ICA1: variants seen among roughly 807,000 people sequenced by gnomAD.
The protein encoded by ICA1 is 69 kDa islet cell autoantigen.
Under a neutral mutation model 71.0 loss-of-function variants are expected in ICA1, and 40 were observed. That is an observed-to-expected ratio of 0.56 (90% confidence interval 0.44 to 0.73). The LOEUF (loss-of-function observed/expected upper bound fraction) is 0.73, where lower values mean the gene tolerates loss of function less well. ICA1 is among the 30% of genes least tolerant of loss of function. The pLI is 0.00. For synonymous variants in ICA1, 207 were observed against 209.5 expected (o/e 0.99, Z 0.10); for missense variants, 578 against 576.5 (o/e 1.00, Z -0.03).
intron 6 of ICA1, among the ~76,000 whole-genome samples, chr7:8,202,918 G>A (rs1790231582): frequency 6.6e-6 from 1 of 152,154 alleles, no homozygotes; most frequent in African/African-American, 2.4e-5. Flanking sequence ...GTGAACCTGT[G>A]GGCAATTTTA....
intron 6 of ICA1, among the ~76,000 whole-genome samples, chr7:8,192,152 A>G (rs1785880635): frequency 6.6e-6 from 1 of 152,236 alleles, no homozygotes; most frequent in Non-Finnish European, 1.5e-5. Context: ...TATTGAAATA[A>G]TGTTATCTAA....
At chr7:8,180,071 T>G (rs1241609765) in intron 6 of ICA1, among the ~76,000 whole-genome samples, 2 of 151,188 alleles carry the variant, frequency 1.3e-5, no homozygotes, top group Admixed American at 6.6e-5. Context: ...AAATATACAG[T>G]TTTTTTTGCT....
At chr7:8,135,064 T>C (rs1415195811) in intron 12 of ICA1, among the ~76,000 whole-genome samples, 2 of 152,176 alleles carry the variant, frequency 1.3e-5, no homozygotes, top group Admixed American at 6.5e-5. Context: ...TGTTACTCTG[T>C]TGCCTAGACT....
chr7:8,203,354 TAAG>T (rs1324100551), intron 6 of ICA1, among the ~76,000 whole-genome samples: 1 of 152,174 alleles, frequency 6.6e-6, no homozygotes, highest in Non-Finnish European at 1.5e-5. Context: ...AGTTAAGACA[TAAG>T]AAATCTTCAT....
intron 13 of ICA1, among the ~76,000 whole-genome samples, chr7:8,114,689 C>T (rs978356747): frequency 6.6e-6 from 1 of 152,238 alleles, no homozygotes; most frequent in Non-Finnish European, 1.5e-5. Context: ...AAACACCTGC[C>T]CTAACTTCCT....
chr7:8,120,781 C>A lies in ICA1; in HGVS notation c.1331-6737G>T, dbSNP rs1358598127. On this transcript the variant is annotated intron_variant, in intron 13 of 13. Transcript: ENST00000402384. ...TACTTACATAAAGGAAAGTCTAAAT[C>A]AGCCAGGCATAAGGCCGGCCAGCTA... Among the ~76,000 whole-genome samples the A allele has an allele frequency of 2.0e-5, 3 of 152,246 alleles. No individual in the cohort carries two copies. In the East Asian group the frequency reaches 5.8e-4, roughly 29 times the overall value.
Position 8,222,305 on chromosome 7 carries a change from C to G in ICA1, c.257-907G>C, listed in dbSNP as rs184328573. 6.6e-6 allele frequency among the ~76,000 whole-genome samples: 1 copy of G among 152,264 alleles called. No individual in the cohort carries two copies. The highest frequency in any genetic ancestry group is 2.4e-5 in the African/African-American group (1 of 41,550). ...GGGGGTCCTGAACACACACCAGCAG[C>G]CAAGCCACAGGCACCAGAGTGACAC... is the stretch of plus-strand genomic sequence containing the variant. On this transcript the variant is annotated intron_variant, in intron 4 of 13. Transcript: ENST00000402384. This position sits in a 1 kb window ranked among gnomAD's most constrained non-coding sequence, Gnocchi z 4.8.
chr7:8,198,376 T>C (rs1028845985), intron 6 of ICA1, among the ~76,000 whole-genome samples: 1 of 152,200 alleles, frequency 6.6e-6, no homozygotes, highest in African/African-American at 2.4e-5. Context: ...ACAGAAAATA[T>C]GAGGCTGAAA....
chr7:8,200,942 A>G (rs747885190), intron 6 of ICA1, among the ~76,000 whole-genome samples: 22 of 152,182 alleles, frequency 1.4e-4, no homozygotes, highest in Non-Finnish European at 3.2e-4. Context: ...TGTCTGATCT[A>G]CTTTTACCAC....
Position 8,150,240 on chromosome 7 carries a change from A to G in ICA1, c.805-6268T>C, listed in dbSNP as rs561864375. Among the ~76,000 whole-genome samples, 12 of 152,356 alleles carry G rather than the reference A, an allele frequency of 7.9e-5. No homozygotes were observed. The East Asian group carries it at 9.6e-4, about 12-fold the overall frequency. On this transcript the variant is annotated intron_variant, in intron 8 of 13. Transcript: ENST00000402384. Reference sequence around the variant, plus strand: ...TGGAGGTCTTGGTTTACCCATGAGAACAATGGAGGTAATGACGAGTATTCG... The same window carrying G: ...TGGAGGTCTTGGTTTACCCATGAGAGCAATGGAGGTAATGACGAGTATTCG...
chr7:8,247,693 T>A (rs1268383406), intron 1 of ICA1, among the ~76,000 whole-genome samples: 1 of 152,140 alleles, frequency 6.6e-6, no homozygotes, highest in South Asian at 2.1e-4. Flanking sequence ...GGAAATATAA[T>A]CTAGGAAGGC....
chr7:8,177,373 A>G (rs574045908), intron 6 of ICA1, among the ~76,000 whole-genome samples: 3 of 151,996 alleles, frequency 2.0e-5, no homozygotes, highest in Non-Finnish European at 4.4e-5. Context: ...CAATTCTGTC[A>G]TCAGAAAACA....
In ICA1 at chr7:8,220,069, G is replaced by T. The variant is rs77916445; in HGVS notation, c.380+1206C>A. On this transcript the variant is annotated intron_variant, in intron 5 of 13. Transcript: ENST00000402384. ...GTTGCTTTTTAATTTTCACTTTTTG[G>T]TTTGTCTCTATTTTAAAATTTTTCT... is the stretch of plus-strand genomic sequence containing the variant. Among the ~76,000 whole-genome samples the T allele has an allele frequency of 9.6e-3, 1,463 of 151,924 alleles. 28 individuals carry two copies. The highest frequency in any genetic ancestry group is 0.06 in the East Asian group (312 of 5,186).
intron 6 of ICA1, among the ~76,000 whole-genome samples, chr7:8,174,396 T>C (rs140927790): frequency 6.6e-4 from 101 of 152,278 alleles, no homozygotes; most frequent in African/African-American, 2.3e-3. Context: ...TTTTTCTGTA[T>C]GCTTTTATAA....
chr7:8,136,255 A>G (rs952892297), intron 12 of ICA1, among the ~76,000 whole-genome samples: 8 of 152,118 alleles, frequency 5.3e-5, no homozygotes, highest in African/African-American at 1.9e-4. Flanking sequence ...TGTCTAACAG[A>G]ATTACCACAG....
At chr7:8,135,699 A>G (rs1793171463) in intron 12 of ICA1, among the ~76,000 whole-genome samples, 1 of 152,226 alleles carries the variant, frequency 6.6e-6, no homozygotes, top group South Asian at 2.1e-4. Flanking sequence ...TGTGACCACA[A>G]TTTAGAATCA....
intron 6 of ICA1, among the ~76,000 whole-genome samples, chr7:8,163,946 T>C (rs1053841136): frequency 1.4e-4 from 21 of 152,146 alleles, no homozygotes; most frequent in Non-Finnish European, 2.4e-4. Flanking sequence ...GAGAGGATCC[T>C]ATTTTCAGTT....
intron 1 of ICA1, among the ~76,000 whole-genome samples, chr7:8,249,997 G>A (rs1413444176): frequency 6.6e-6 from 1 of 152,202 alleles, no homozygotes; most frequent in Non-Finnish European, 1.5e-5. Context: ...TGTGATCCAG[G>A]GAGGAACACG....
chr7:8,147,687 A>AACACACAC (rs71014764), intron 8 of ICA1, among the ~76,000 whole-genome samples: 1,476 of 145,386 alleles, frequency 0.01, 19 homozygotes, highest in African/African-American at 0.035. Flanking sequence ...AGCCAAGGGG[A>AACACACAC]ACACACACAC....
Sources: allele counts gnomAD v4.1 joint callset (sites outside exome capture counted in the v4.1 genomes callset), GRCh38; gene constraint gnomAD v4.1.1; non-coding constraint Gnocchi (gnomAD v3.1); transcripts MANE v1.5; gene names NCBI Gene and HGNC (gene_info 2026-07-23, HGNC 2026-07-21).